Variants in ZNG1B observed in about 807,000 individuals in gnomAD.
The protein encoded by ZNG1B is zinc-regulated GTPase metalloprotein activator 1B.
the ZNG1B span, among the ~76,000 whole-genome samples, chr2:113,471,625 C>A: frequency 7.8e-6 from 1 of 128,412 alleles, no homozygotes. Context: ...AATGCTATCC[C>A]TCCCCCCTCC....
chr2:113,487,202 CAT>C, the ZNG1B span, among the ~76,000 whole-genome samples: 1 of 152,148 alleles, frequency 6.6e-6, no homozygotes, highest in African/African-American at 2.4e-5. Context: ...AGTACAGTAA[CAT>C]ATATGCTGTA....
chr2:113,454,703 C>A, the ZNG1B span: 4 of 1,565,022 alleles, frequency 2.6e-6, no homozygotes, highest in East Asian at 2.3e-5. Context: ...AATAAACATT[C>A]TTTTTAAAAA....
chr2:113,470,576 T>G, the ZNG1B span: 5 of 208,304 alleles, frequency 2.4e-5, no homozygotes, highest in Non-Finnish European at 1.9e-5. Flanking sequence ...TAGAGTAACT[T>G]AATATTTTGT....
At chr2:113,459,427 A>T in the ZNG1B span, among the ~76,000 whole-genome samples, 1 of 151,928 alleles carries the variant, frequency 6.6e-6, no homozygotes, top group African/African-American at 2.4e-5. Flanking sequence ...TTTGGCTCTG[A>T]TATATGATTA....
chr2:113,453,137 A>G, the ZNG1B span: 1 of 1,583,408 alleles, frequency 6.3e-7, no homozygotes, highest in Non-Finnish European at 8.5e-7. Flanking sequence ...ATATATTTTC[A>G]GGTGCAGTGG....
chr2:113,495,936 T>C, the ZNG1B span: 7 of 633,996 alleles, frequency 1.1e-5, 1 homozygote, highest in South Asian at 1.9e-4. Flanking sequence ...ATATATAATA[T>C]CCTTTTTTTT....
At chr2:113,457,117 C>T in the ZNG1B span, 1 of 454,652 alleles carries the variant, frequency 2.2e-6, no homozygotes, top group Non-Finnish European at 4.4e-6. Context: ...GGACTTGACA[C>T]CCAGGCTACT....
At chr2:113,462,459 A>G in the ZNG1B span, 20 of 1,598,920 alleles carry the variant, frequency 1.3e-5, no homozygotes, top group Non-Finnish European at 1.7e-5. Context: ...ACTTGGTTCC[A>G]GAAGAAGATG....
At chr2:113,462,570 C>A in the ZNG1B span, 1 of 1,519,936 alleles carries the variant, frequency 6.6e-7, no homozygotes, top group Non-Finnish European at 9.0e-7. Flanking sequence ...CTGATTGTTG[C>A]CCTGTAGAAA....
chr2:113,441,938 C>A, the ZNG1B span, among the ~76,000 whole-genome samples: 1 of 152,110 alleles, frequency 6.6e-6, no homozygotes, highest in Non-Finnish European at 1.5e-5. Context: ...CAGGGTTTCA[C>A]CATGTTGGCC....
the ZNG1B span, among the ~76,000 whole-genome samples, chr2:113,461,623 A>T: frequency 3.2e-4 from 49 of 151,736 alleles, no homozygotes; most frequent in Admixed American, 1.2e-3. Context: ...TATCCTGTTA[A>T]TAGAAAATAG....
At chr2:113,462,901 G>GTTTT in the ZNG1B span, 3 of 156,840 alleles carry the variant, frequency 1.9e-5, no homozygotes, top group Non-Finnish European at 3.5e-5. Context: ...TTCTTGTTCT[G>GTTTT]TTTTTTTTTT....
the ZNG1B span, among the ~76,000 whole-genome samples, chr2:113,439,565 C>T: frequency 2.0e-5 from 3 of 152,194 alleles, no homozygotes; most frequent in Admixed American, 6.5e-5. Context: ...GACTGCGTCA[C>T]ACCTTTCAGT....
At chr2:113,483,336 G>A in the ZNG1B span, among the ~76,000 whole-genome samples, 1 of 151,994 alleles carries the variant, frequency 6.6e-6, no homozygotes, top group African/African-American at 2.4e-5. Flanking sequence ...CTTGCAGTTT[G>A]CTTGAAATGC....
the ZNG1B span, chr2:113,471,083 G>A: frequency 5.7e-6 from 9 of 1,573,600 alleles, no homozygotes; most frequent in Middle Eastern, 2.3e-4. Flanking sequence ...AGTCTCTCTG[G>A]AATAAGGTAT....
chr2:113,477,223 C>T, the ZNG1B span, among the ~76,000 whole-genome samples: 9 of 152,184 alleles, frequency 5.9e-5, no homozygotes, highest in South Asian at 2.1e-4. Flanking sequence ...TCTCGTGGTG[C>T]GCCTTTTTTT....
At chr2:113,489,906 A>G in the ZNG1B span, among the ~76,000 whole-genome samples, 9 of 148,334 alleles carry the variant, frequency 6.1e-5, no homozygotes, top group Non-Finnish European at 1.0e-4. Context: ...CAGCAACACA[A>G]TAATAGTGAG....
the ZNG1B span, among the ~76,000 whole-genome samples, chr2:113,484,345 G>A: frequency 1.3e-5 from 2 of 149,374 alleles, no homozygotes; most frequent in South Asian, 4.3e-4. Flanking sequence ...CTTTTCCTCT[G>A]TGTATAGAGA....
At chr2:113,481,366 A>G in the ZNG1B span, among the ~76,000 whole-genome samples, 1 of 151,188 alleles carries the variant, frequency 6.6e-6, no homozygotes, top group South Asian at 2.1e-4. Context: ...GCTGGGAAGG[A>G]TTTAATTTGA....
Sources: gnomAD v4.1 joint callset for allele counts (sites outside exome capture counted in the v4.1 genomes callset) on GRCh38, gnomAD v4.1.1 for gene constraint, MANE v1.5 for transcripts, NCBI Gene and HGNC (gene_info 2026-07-23, HGNC 2026-07-21) for gene names.